CTNNA2: variants seen among roughly 807,000 people sequenced by gnomAD.
CTNNA2 encodes catenin alpha-2.
CTNNA2 carries 42 observed loss-of-function variants against 101.0 expected under a neutral mutation model. The observed-to-expected ratio is 0.42, with a 90% CI of 0.32 to 0.54. The LOEUF is 0.54. Ranked by LOEUF, CTNNA2 falls within the 20% of genes least tolerant of loss-of-function variation. The probability of loss-of-function intolerance (pLI) is 0.14; values close to 1 mark genes in which losing one functional copy is unlikely to be tolerated. For missense variants in CTNNA2, 871 were observed against 1,223.1 expected, an observed-to-expected ratio of 0.71 and a Z score of 4.29; for synonymous variants, 450 against 456.4, an observed-to-expected ratio of 0.99 and a Z score of 0.18.
intron 7 of CTNNA2, among the ~76,000 whole-genome samples, chr2:79,931,946 T>G (rs1687475853): frequency 6.6e-6 from 1 of 152,178 alleles, no homozygotes; most frequent in Non-Finnish European, 1.5e-5. Context: ...AGCACTAGCT[T>G]TTTAGACAAA....
chr2:80,411,285 T>C (rs1292762201), intron 8 of CTNNA2, among the ~76,000 whole-genome samples: 1 of 152,204 alleles, frequency 6.6e-6, no homozygotes, highest in Non-Finnish European at 1.5e-5. Flanking sequence ...AGTTCTCCTT[T>C]TTTTTTCCGA....
intron 7 of CTNNA2, among the ~76,000 whole-genome samples, chr2:80,187,817 C>CT (rs1706228469): frequency 6.7e-6 from 1 of 148,642 alleles, no homozygotes; most frequent in Non-Finnish European, 1.5e-5. Context: ...AATTTAAACA[C>CT]TAAAAAAAAA....
intron 7 of CTNNA2, among the ~76,000 whole-genome samples, chr2:79,946,109 C>T (rs1190079841): frequency 6.6e-6 from 1 of 152,092 alleles, no homozygotes; most frequent in Non-Finnish European, 1.5e-5. Flanking sequence ...TTAGAGTGGT[C>T]AGAGCCCCCT....
At chr2:79,777,488 C>T (rs905209426) in intron 3 of CTNNA2, among the ~76,000 whole-genome samples, 4 of 152,044 alleles carry the variant, frequency 2.6e-5, no homozygotes, top group Admixed American at 1.3e-4. Context: ...GAGAGACTTA[C>T]CAAGGCCACA....
At chr2:79,256,876 GCA>G (rs1674852904) in intron 2 of CTNNA2, among the ~76,000 whole-genome samples, 1 of 152,194 alleles carries the variant, frequency 6.6e-6, no homozygotes, top group African/African-American at 2.4e-5. Context: ...AAATGTTATT[GCA>G]CAGTGGCTGG....
chr2:79,815,879 G>T (rs566445766), intron 3 of CTNNA2, among the ~76,000 whole-genome samples: 1 of 151,986 alleles, frequency 6.6e-6, no homozygotes, highest in South Asian at 2.1e-4. Context: ...TATTGATTGT[G>T]CCCATCCATG....
intron 1 of CTNNA2, among the ~76,000 whole-genome samples, chr2:79,637,498 T>C (rs1373918141): frequency 6.6e-6 from 1 of 152,316 alleles, no homozygotes; most frequent in South Asian, 2.1e-4. Flanking sequence ...TATTTGATGG[T>C]TTTTTGAACT....
At position 80,120,086 on chromosome 2, in the gene CTNNA2, C is replaced by T. The variant is rs137982236; in HGVS notation, c.1056+210289C>T. Among the ~76,000 whole-genome samples the T allele has an allele frequency of 3.3e-3, 505 of 152,232 alleles. 1 individual carries two copies. The highest frequency in any genetic ancestry group is 0.011 in the African/African-American group (454 of 41,548). On this transcript the variant is annotated intron_variant, in intron 7 of 18. Transcript: ENST00000402739. Reference sequence around the variant, plus strand: ...CTGAGGAGGAACTTTTTAAATTTTCCTCTCTTTCTTGAACTAGATCGAAGT... The same window carrying T: ...CTGAGGAGGAACTTTTTAAATTTTCTTCTCTTTCTTGAACTAGATCGAAGT...
chr2:79,608,260 T>G (rs942605099), intron 1 of CTNNA2, among the ~76,000 whole-genome samples: 1 of 152,050 alleles, frequency 6.6e-6, no homozygotes, highest in South Asian at 2.1e-4. Context: ...AAAAAAGGAA[T>G]TTGTAGTTAG....
chr2:80,419,857 G>T lies in CTNNA2; in HGVS notation c.1290+256G>T, dbSNP rs150671334. Among the ~76,000 whole-genome samples the T allele has an allele frequency of 1.9e-3, 288 of 151,698 alleles. 2 individuals are homozygous for T. The highest frequency in any genetic ancestry group is 6.8e-3 in the African/African-American group (280 of 41,362). Reference sequence around the variant, plus strand: ...GCCATTTTTCCTGAACAACAAGCAGGAGCTGAAACAAAAGAAGTGGAAGGG... The same window carrying T: ...GCCATTTTTCCTGAACAACAAGCAGTAGCTGAAACAAAAGAAGTGGAAGGG... On this transcript the variant is annotated intron_variant, in intron 9 of 18. Coordinates refer to ENST00000402739, the MANE Select transcript of CTNNA2 (RefSeq NM_001282597.3).
At chr2:80,183,193 C>G (rs542061488) in intron 7 of CTNNA2, among the ~76,000 whole-genome samples, 1 of 152,230 alleles carries the variant, frequency 6.6e-6, no homozygotes, top group South Asian at 2.1e-4. Flanking sequence ...CTCTCCCTCA[C>G]CAGCATACAC....
intron 4 of CTNNA2, among the ~76,000 whole-genome samples, chr2:79,440,985 C>A (rs1261429474): frequency 2.6e-5 from 4 of 152,182 alleles, no homozygotes; most frequent in Non-Finnish European, 5.9e-5. Context: ...TTCATTCAGA[C>A]AGTTTGTACA....
chr2:79,615,965 C>T (rs1018707123), intron 1 of CTNNA2, among the ~76,000 whole-genome samples: 1 of 152,176 alleles, frequency 6.6e-6, no homozygotes, highest in Non-Finnish European at 1.5e-5. Context: ...GCGTGCCTTG[C>T]CATGCCTGTG....
chr2:79,205,542 T>TCCA (rs1172758436), intron 2 of CTNNA2, among the ~76,000 whole-genome samples: 1 of 152,192 alleles, frequency 6.6e-6, no homozygotes, highest in East Asian at 1.9e-4. Flanking sequence ...GATTCTCTAG[T>TCCA]TAACCAGTAT....
At chr2:80,256,552 C>T (rs1186683419) in intron 7 of CTNNA2, among the ~76,000 whole-genome samples, 1 of 152,030 alleles carries the variant, frequency 6.6e-6, no homozygotes, top group Non-Finnish European at 1.5e-5. Context: ...AAAAAAAATC[C>T]CTACTTCTGG....
At chr2:79,630,216 C>T (rs1343091530) in intron 1 of CTNNA2, among the ~76,000 whole-genome samples, 1 of 152,214 alleles carries the variant, frequency 6.6e-6, no homozygotes, top group Non-Finnish European at 1.5e-5. Context: ...CCCCAAGTGG[C>T]ACTGTAAGGC....
chr2:79,799,162 C>A (rs938362137), intron 3 of CTNNA2, among the ~76,000 whole-genome samples: 11 of 148,822 alleles, frequency 7.4e-5, no homozygotes, highest in African/African-American at 2.5e-4. Context: ...AGTTATAATT[C>A]GATGCAGTCT....
intron 7 of CTNNA2, among the ~76,000 whole-genome samples, chr2:80,179,406 C>G (rs1419190430): frequency 6.6e-6 from 1 of 152,096 alleles, no homozygotes; most frequent in African/African-American, 2.4e-5. Context: ...CGGAGTCTCG[C>G]TCTGTCGCCC....
chr2:79,322,575 C>A (rs1279573973), intron 3 of CTNNA2, among the ~76,000 whole-genome samples: 1 of 152,132 alleles, frequency 6.6e-6, no homozygotes, highest in Non-Finnish European at 1.5e-5. Context: ...GTTGATCTGA[C>A]TAGTAAAGAG....
Sources: allele counts gnomAD v4.1 joint callset (sites outside exome capture counted in the v4.1 genomes callset), GRCh38; gene constraint gnomAD v4.1.1; transcripts MANE v1.5; gene names NCBI Gene and HGNC (gene_info 2026-07-23, HGNC 2026-07-21).